The following MNS1 variants were observed in gnomAD, a reference collection of about 807,000 sequenced individuals.
MNS1 encodes the protein meiosis-specific nuclear structural protein 1.
Under a neutral mutation model 72.0 loss-of-function variants are expected in MNS1, and 63 were observed. The ratio of observed to expected loss-of-function variants is 0.87; its 90% CI spans 0.71 to 1.08. The LOEUF (loss-of-function observed/expected upper bound fraction) is 1.08, where lower values mean the gene tolerates loss of function less well. Among genes scored for constraint, MNS1 ranks in the 50% least tolerant of loss-of-function variants. MNS1 has a pLI of 0.00. For synonymous variants in MNS1, 188 were observed against 172.1 expected (o/e 1.09, Z -0.72); for missense variants, 604 against 562.4 (o/e 1.07, Z -0.75).
intron 7 of MNS1, among the ~76,000 whole-genome samples, chr15:56,439,883 A>G (rs1386700405): frequency 6.6e-6 from 1 of 152,068 alleles, no homozygotes. Context: ...CCATAAAAAG[A>G]AAAACTGATA....
In MNS1 at chr15:56,429,099, T is replaced by C. The variant is rs1207056761; in HGVS notation, c.*2A>G. 1.3e-6 allele frequency: 2 copies of C among 1,572,948 alleles called. No homozygotes were observed. The highest frequency in any genetic ancestry group is 1.4e-5 in the African/African-American group (1 of 73,036). On this transcript the variant is annotated 3_prime_UTR_variant, in exon 10 of 10. Coordinates refer to ENST00000260453, the MANE Select transcript of MNS1 (RefSeq NM_018365.4). Reference sequence around the variant, plus strand: ...TCTATGCTTTACCCAATTTTGATGATATCATTTCTCTTCACAAATTTCACT... The same window carrying C: ...TCTATGCTTTACCCAATTTTGATGACATCATTTCTCTTCACAAATTTCACT...
intron 3 of MNS1, among the ~76,000 whole-genome samples, chr15:56,454,822 C>G (rs2050970529): frequency 6.6e-6 from 1 of 152,064 alleles, no homozygotes; most frequent in Non-Finnish European, 1.5e-5. Context: ...TTTGTCTCTC[C>G]ATGCTTTATT....
chr15:56,450,476 T>C (rs2050940225), intron 3 of MNS1, among the ~76,000 whole-genome samples: 1 of 152,174 alleles, frequency 6.6e-6, no homozygotes, highest in Non-Finnish European at 1.5e-5. Flanking sequence ...ATTTGCCTAT[T>C]CTAGATAGTT....
Position 56,460,009 on chromosome 15 carries a change from A to AAAAAAAAAAAAAAATAT in MNS1, c.226-3489_226-3488insATATTTTTTTTTTTTTT. 1.4e-3 allele frequency among the ~76,000 whole-genome samples: 36 copies of AAAAAAAAAAAAAAATAT among 26,388 alleles called. 7 individuals carry two copies. Among genetic ancestry groups the AAAAAAAAAAAAAAATAT allele is most frequent in the African/African-American group, 4.5e-3 (30 of 6,654 alleles). 17.3% of individuals were successfully genotyped at this position (26,388 alleles called of 152,430 possible). A position where few individuals can be genotyped will look rare whatever the true frequency, so the allele number is the denominator to read the frequency against. On this transcript the variant is annotated intron_variant, in intron 2 of 9. Coordinates refer to ENST00000260453, the MANE Select transcript of MNS1 (RefSeq NM_018365.4). ...CTGTCTCAAAAAAAAAAAAAAAAAAAATACATATATATATATATATATATA... is the reference window on the plus strand; with the variant it reads ...CTGTCTCAAAAAAAAAAAAAAAAAAAAAAAAAAAAAAAAATATATACATATATATATATATATATATA...
Position 56,457,059 on chromosome 15 carries a change from C to T in MNS1, c.226-538G>A, listed in dbSNP as rs1432786730. Reference sequence around the variant, plus strand: ...TAGTTGGTTTGCTTAAATCAAAATCCAAACAAGATCCACATATTGCATCTA... The same window carrying T: ...TAGTTGGTTTGCTTAAATCAAAATCTAAACAAGATCCACATATTGCATCTA... On this transcript the variant is annotated intron_variant, in intron 2 of 9. Transcript: ENST00000260453. Among the ~76,000 whole-genome samples, 3 of 152,236 alleles carry T rather than the reference C, an allele frequency of 2.0e-5. No individual in the cohort carries two copies. In the East Asian group the frequency reaches 5.8e-4, roughly 29 times the overall value.
intron 3 of MNS1, among the ~76,000 whole-genome samples, chr15:56,455,924 C>A (rs977809117): frequency 6.6e-6 from 1 of 152,012 alleles, no homozygotes; most frequent in Non-Finnish European, 1.5e-5. Flanking sequence ...AAGACAGATG[C>A]ATGAAGTCAC....
intron 2 of MNS1, among the ~76,000 whole-genome samples, chr15:56,459,832 A>C (rs1356956596): frequency 4.0e-5 from 6 of 150,042 alleles, no homozygotes; most frequent in African/African-American, 1.5e-4. Flanking sequence ...CCCTACTAAA[A>C]ATACAGAATT....
At chr15:56,444,010 T>C (rs795793) in intron 5 of MNS1, among the ~76,000 whole-genome samples, 156 bp from the exon 6 acceptor site, 141,447 of 152,092 alleles carry the variant, frequency 0.93, 65,854 homozygotes, top group African/African-American at 0.98. Flanking sequence ...AAATATAATG[T>C]CAGGTATGAA....
chr15:56,457,144 T>TC (rs1188453242), intron 2 of MNS1, among the ~76,000 whole-genome samples: 1 of 152,094 alleles, frequency 6.6e-6, no homozygotes, highest in Non-Finnish European at 1.5e-5. Context: ...CACACATTTT[T>TC]CCCCCAAGCC....
chr15:56,443,723 A>G lies in MNS1; in HGVS notation c.818T>C (p.Phe273Ser). 3 of 1,613,176 alleles carry G rather than the reference A, an allele frequency of 1.9e-6. No homozygotes were observed. The highest frequency in any genetic ancestry group is 1.7e-5 in the Admixed American group (1 of 59,964). Residue 273 changes from phenylalanine (F) to serine (S), a missense_variant, in exon 6 of 10, where the codon TTT (phenylalanine) becomes TCT (serine). By Grantham distance (155) the Phe-to-Ser change is radical. Transcript: ENST00000260453. ...TTCTCTTTGCTGCTGCATGTTAGCA[A>G]ACTCTATGATTTTTCTGTTTTCTTC... ...MEEENRKIIE[F>S]ANMQQQREED...
At chr15:56,445,704 A>T (rs1369534149) in intron 4 of MNS1, 1 of 152,022 alleles carries the variant, frequency 6.6e-6, no homozygotes, top group African/African-American at 2.4e-5. Flanking sequence ...AAAAGCCAAA[A>T]CTAGTACTTG....
Position 56,444,486 on chromosome 15 carries a change from A to G in MNS1, c.644T>C (p.Met215Thr). Residue 215 changes from methionine to threonine, a missense_variant, in exon 5 of 10, where the codon ATG becomes ACG. By Grantham distance (81) the Met-to-Thr change is moderately conservative. Coordinates refer to ENST00000260453, the MANE Select transcript of MNS1 (RefSeq NM_018365.4). Reference protein sequence around the residue: ...AYEQLLKEKLMIDEIVRKIYE... With the variant: ...AYEQLLKEKLTIDEIVRKIYE... ...GATCTTCCTAACAATTTCATCAATC[A>G]TGAGTTTCTCTTTTAGCAGCTGCTC... 3.7e-6 allele frequency: 6 copies of G among 1,609,150 alleles called. No individual in the cohort carries two copies. Among genetic ancestry groups the G allele is most frequent in the African/African-American group, 1.3e-5 (1 of 74,728 alleles).
intron 2 of MNS1, among the ~76,000 whole-genome samples, chr15:56,459,782 G>A (rs1388180783): frequency 6.6e-6 from 1 of 150,984 alleles, no homozygotes; most frequent in Non-Finnish European, 1.5e-5. Context: ...TCTTAGGTTG[G>A]GAGTTGGAGA....
intron 3 of MNS1, among the ~76,000 whole-genome samples, chr15:56,448,751 CTTTTTTTT>C (rs34366643): frequency 3.7e-4 from 43 of 117,662 alleles, no homozygotes; most frequent in African/African-American, 1.2e-3. Context: ...TTTTTAGATT[CTTTTTTTT>C]TTTTTTTTTT....
chr15:56,438,479 A>C (rs1394745050), intron 7 of MNS1, among the ~76,000 whole-genome samples: 1 of 152,202 alleles, frequency 6.6e-6, no homozygotes, highest in African/African-American at 2.4e-5. Context: ...CTTACACCTT[A>C]TACAAAAATT....
At chr15:56,449,980 C>A (rs35978617) in intron 3 of MNS1, among the ~76,000 whole-genome samples, 19,224 of 152,132 alleles carry the variant, frequency 0.13, 1,729 homozygotes, top group Non-Finnish European at 0.19. Flanking sequence ...ATTTTATTCA[C>A]CTTTTTATGG....
At chr15:56,429,773 T>TAAAG (rs1315817042) in intron 9 of MNS1, 1 of 152,216 alleles carries the variant, frequency 6.6e-6, no homozygotes, top group East Asian at 1.9e-4. Context: ...ATCTAAAGAA[T>TAAAG]AAAGAATTTT....
chr15:56,431,289 C>T (rs2050587476), intron 9 of MNS1, 84 bp downstream of exon 9: 11 of 1,520,766 alleles, frequency 7.2e-6, no homozygotes, highest in Non-Finnish European at 9.8e-6. Context: ...GTGAGCAAAA[C>T]CAAGGCACTC....
At chr15:56,442,509 C>G (rs1467920265) in intron 7 of MNS1, among the ~76,000 whole-genome samples, 1 of 152,116 alleles carries the variant, frequency 6.6e-6, no homozygotes, top group Non-Finnish European at 1.5e-5. Flanking sequence ...CAATGGTGGA[C>G]TGGATAAATA....
Sources: allele counts gnomAD v4.1 joint callset (sites outside exome capture counted in the v4.1 genomes callset), GRCh38; gene constraint gnomAD v4.1.1; transcripts MANE v1.5; gene names NCBI Gene and HGNC (gene_info 2026-07-23, HGNC 2026-07-21).